The following NCF4 variants were observed in gnomAD, a reference collection of about 807,000 sequenced individuals.
NCF4 encodes neutrophil cytosol factor 4.
NCF4 carries 30 observed loss-of-function variants against 41.7 expected under a neutral mutation model. The ratio of observed to expected loss-of-function variants is 0.72; its 90% CI spans 0.54 to 0.97. The LOEUF is 0.97. NCF4 is among the 50% of genes least tolerant of loss of function. The probability of loss-of-function intolerance (pLI) is 0.00; values close to 1 mark genes in which losing one functional copy is unlikely to be tolerated. For missense variants in NCF4, 432 were observed against 460.9 expected, an observed-to-expected ratio of 0.94 and a Z score of 0.57; for synonymous variants, 195 against 175.8, an observed-to-expected ratio of 1.11 and a Z score of -0.87.
At position 36,875,772 on chromosome 22, in the gene NCF4, C is replaced by T; in HGVS notation, c.747C>T (p.Ile249=). 1 of 1,614,158 alleles carries T rather than the reference C, an allele frequency of 6.2e-7. No individual in the cohort carries two copies. The highest frequency in any genetic ancestry group is 8.5e-7 in the Non-Finnish European group (1 of 1,180,022). Residue 249 remains isoleucine (I), a synonymous_variant, in exon 8 of 10, where the codon ATC becomes ATT. Transcript: ENST00000248899. ...WLRCYYYEDT[I]STIKDIAVEE... ...GTTGCTACTACTACGAAGACACCAT[C>T]AGCACCATCAAGTCTGTGGCCTGGG...
intron 7 of NCF4, among the ~76,000 whole-genome samples, chr22:36,875,342 T>A (rs1940168980): frequency 6.6e-6 from 1 of 152,192 alleles, no homozygotes; most frequent in Admixed American, 6.5e-5. Flanking sequence ...AGGACTTTTA[T>A]CTATTTTGAG....
At chr22:36,866,772 T>C (rs1162158058) in intron 3 of NCF4, among the ~76,000 whole-genome samples, 3 of 152,122 alleles carry the variant, frequency 2.0e-5, no homozygotes, top group Non-Finnish European at 4.4e-5. Flanking sequence ...TGGTAGCCCG[T>C]CATATTTCCT....
rs758210984 is a variant in NCF4 at position 36,876,010 on chromosome 22, C to T, written c.759-19C>T. The T allele has an allele frequency of 1.2e-6, 2 of 1,614,104 alleles. No homozygotes were observed. Among genetic ancestry groups the T allele is most frequent in the East Asian group, 4.5e-5 (2 of 44,872 alleles). On this transcript the variant is annotated intron_variant, in intron 8 of 9. Coordinates refer to ENST00000248899, the MANE Select transcript of NCF4 (RefSeq NM_000631.5). ...CTTCCAGCCTGATGCCTCCTTACTC[C>T]AGCCTGTCACCCCCTTAGGGACATC...
chr22:36,875,730 C>T lies in NCF4; in HGVS notation c.705C>T (p.Asp235=), dbSNP rs150656826. The part of the protein sequence containing the change: ...KILKDFPEED[D]PTNWLRCYYY... ...TCAAAGACTTCCCTGAGGAGGACGA[C>T]CCCACCAACTGGCTGCGTTGCTACT... The change falls in exon 8 of 10, where the codon GAC becomes GAT. Residue 235 remains aspartate, a synonymous_variant. Transcript: ENST00000248899. 516 of 1,613,990 alleles carry T rather than the reference C, an allele frequency of 3.2e-4. 2 individuals are homozygous for T. The African/African-American group carries it at 6.3e-3, about 20-fold the overall frequency.
intron 3 of NCF4, among the ~76,000 whole-genome samples, chr22:36,866,591 A>G (rs1324800041): frequency 6.6e-6 from 1 of 151,752 alleles, no homozygotes; most frequent in Non-Finnish European, 1.5e-5. Context: ...CCTAACTCCC[A>G]ATGTCTAGCT....
Position 36,864,156 on chromosome 22 carries a change from C to T in NCF4, c.117+27C>T, listed in dbSNP as rs1468273231. 1.9e-6 allele frequency: 3 copies of T among 1,558,792 alleles called. No individual in the cohort carries two copies. The South Asian group carries it at 3.3e-5, about 17-fold the overall frequency. On this transcript the variant is annotated intron_variant, in intron 2 of 9. Transcript: ENST00000248899. ...TAAGACAGACTCCTAGTCCTTCACC[C>T]AACAACCTCTGAACTTCCACCCAGC...
At chr22:36,869,129 G>A (rs924810261) in intron 4 of NCF4, among the ~76,000 whole-genome samples, 1 of 152,198 alleles carries the variant, frequency 6.6e-6, no homozygotes, top group African/African-American at 2.4e-5. Context: ...AGTTAAGTGT[G>A]ACAGAGCAGT....
intron 5 of NCF4, among the ~76,000 whole-genome samples, 157 bp downstream of exon 5, chr22:36,870,699 A>G (rs1940036323): frequency 6.6e-6 from 1 of 152,198 alleles, no homozygotes; most frequent in African/African-American, 2.4e-5. Flanking sequence ...TTAGAAAGTC[A>G]TGTTCAGGCT....
At position 36,875,666 on chromosome 22, in the gene NCF4, G is replaced by A. The variant is rs1250298096; in HGVS notation, c.641G>A (p.Gly214Glu). The A allele has an allele frequency of 1.2e-6, 2 of 1,611,956 alleles. No homozygotes were observed. Among genetic ancestry groups the A allele is most frequent in the East Asian group, 4.5e-5 (2 of 44,868 alleles). Residue 214 changes from glycine to glutamate, a missense_variant, in exon 8 of 10, where the codon GGA becomes GAA. By Grantham distance (98) the Gly-to-Glu change is moderately conservative. Coordinates refer to ENST00000248899, the MANE Select transcript of NCF4 (RefSeq NM_000631.5). ...NKDWLEGTVR[G>E]ATGIFPLSFV... ...CTTCCTCTGCAGGGCACTGTCCGGGGAGCCACGGGCATCTTCCCTCTCTCC... is the reference window on the plus strand; with the variant it reads ...CTTCCTCTGCAGGGCACTGTCCGGGAAGCCACGGGCATCTTCCCTCTCTCC...
At chr22:36,873,224 A>C (rs994855165) in intron 7 of NCF4, among the ~76,000 whole-genome samples, 1 of 131,644 alleles carries the variant, frequency 7.6e-6, no homozygotes, top group African/African-American at 2.9e-5. Context: ...AGAGGTGAGG[A>C]AGGTGAGTTT....
intron 4 of NCF4, among the ~76,000 whole-genome samples, chr22:36,868,652 T>G (rs1305267160): frequency 2.3e-4 from 25 of 110,934 alleles, no homozygotes; most frequent in South Asian, 6.9e-4. Flanking sequence ...AATAGGGGAG[T>G]GGGCTGTGAA....
rs148661727 is a variant in NCF4, at chr22:36,877,665, C to T, written c.862C>T (p.Arg288Trp). The T allele has an allele frequency of 1.1e-4, 182 of 1,613,996 alleles. No individual in the cohort carries two copies. The highest frequency in any genetic ancestry group is 1.4e-4 in the Non-Finnish European group (166 of 1,180,030). Reference sequence around the variant, plus strand: ...GAGAGAGGACATAGCTCTGAATTACCGGGACGCTGAGGGGGATCTGGTTCG... The same window carrying T: ...GAGAGAGGACATAGCTCTGAATTACTGGGACGCTGAGGGGGATCTGGTTCG... ...FQREDIALNY[R>W]DAEGDLVRLL... Residue 288 changes from arginine to tryptophan, a missense_variant, in exon 10 of 10, where the codon CGG (arginine) becomes TGG (tryptophan). Arg to Trp is a moderately radical substitution (Grantham distance 101). Transcript: ENST00000248899.
chr22:36,872,690 T>G (rs527312293), intron 7 of NCF4, among the ~76,000 whole-genome samples: 1 of 115,618 alleles, frequency 8.6e-6, no homozygotes, highest in Non-Finnish European at 1.8e-5. Flanking sequence ...AGATTGGAGG[T>G]AAGGTTGGAG....
At chr22:36,872,128 C>A (rs1420882708) in intron 6 of NCF4, 199 bp from the exon 7 acceptor site, 1 of 713,872 alleles carries the variant, frequency 1.4e-6, no homozygotes, top group Non-Finnish European at 2.6e-6. Context: ...GGAAGGAGCA[C>A]CCATCCTGGA....
intron 9 of NCF4, among the ~76,000 whole-genome samples, chr22:36,876,694 C>T (rs1291635779): frequency 1.3e-5 from 2 of 152,204 alleles, no homozygotes; most frequent in South Asian, 2.1e-4. Context: ...CATGGCCATG[C>T]GCTTTTGCTG....
chr22:36,865,106 C>T lies in NCF4; in HGVS notation c.271+34C>T. On this transcript the variant is annotated intron_variant, in intron 3 of 9. Transcript: ENST00000248899. This position sits in a 1 kb window ranked among gnomAD's most constrained non-coding sequence, Gnocchi z 4.3. ...CCACTCCCGTCCTGCTGCTGCAGAGCTGCTGACTCTCCTTCCTTCCAGGGC... is the reference window on the plus strand; with the variant it reads ...CCACTCCCGTCCTGCTGCTGCAGAGTTGCTGACTCTCCTTCCTTCCAGGGC... The T allele has an allele frequency of 6.2e-7, 1 of 1,603,186 alleles. No homozygotes were observed. The highest frequency in any genetic ancestry group is 8.5e-7 in the Non-Finnish European group (1 of 1,179,604).
Position 36,865,124 on chromosome 22 carries a change from TC to T in NCF4, c.271+54del. The T allele has an allele frequency of 1.3e-6, 2 of 1,596,976 alleles. No homozygotes were observed. Among genetic ancestry groups the T allele is most frequent in the Non-Finnish European group, 1.7e-6 (2 of 1,176,840 alleles). On this transcript the variant is annotated intron_variant, in intron 3 of 9. Coordinates refer to ENST00000248899, the MANE Select transcript of NCF4 (RefSeq NM_000631.5). This position sits in a 1 kb window ranked among gnomAD's most constrained non-coding sequence, Gnocchi z 4.3. ...TGCAGAGCTGCTGACTCTCCTTCCT[TC>T]CAGGGCCCCTGACACTGTTCTGTGA... is the stretch of plus-strand genomic sequence containing the variant.
chr22:36,873,167 G>A (rs879321054), intron 7 of NCF4, among the ~76,000 whole-genome samples: 3 of 151,310 alleles, frequency 2.0e-5, no homozygotes, highest in East Asian at 2.0e-4. Flanking sequence ...AATGAGAATG[G>A]AAGTGGGATT....
chr22:36,871,371 C>T (rs1940050712), intron 5 of NCF4, among the ~76,000 whole-genome samples: 1 of 152,228 alleles, frequency 6.6e-6, no homozygotes, highest in South Asian at 2.1e-4. Flanking sequence ...AACACTTTGG[C>T]AAGTGAAAGG....
Sources: gnomAD v4.1 joint callset for allele counts (sites outside exome capture counted in the v4.1 genomes callset) on GRCh38, gnomAD v4.1.1 for gene constraint, Gnocchi (gnomAD v3.1) non-coding constraint, MANE v1.5 for transcripts, NCBI Gene and HGNC (gene_info 2026-07-23, HGNC 2026-07-21) for gene names.